CERKL: variants seen among roughly 807,000 people sequenced by gnomAD.
The protein encoded by CERKL is ceramide kinase-like protein.
In CERKL, 61 loss-of-function variants were observed where a neutral mutation model predicts 63.4. That is an observed-to-expected ratio of 0.96 (90% CI 0.78 to 1.19). The LOEUF (loss-of-function observed/expected upper bound fraction) is 1.19. Among genes scored for constraint, CERKL ranks in the 50% most tolerant of loss-of-function variants. CERKL has a pLI of 0.00. For missense variants in CERKL, 675 were observed against 655.5 expected (o/e 1.03, Z -0.33); for synonymous variants, 250 against 230.5 (o/e 1.08, Z -0.77).
chr2:181,544,907 C>G (rs1687656704), intron 10 of CERKL, 111 bp from the exon 11 acceptor site: 2 of 612,266 alleles, frequency 3.3e-6, no homozygotes. Context: ...AAGTATTGGA[C>G]AAGATAGATA....
At chr2:181,545,702 T>C (rs1687696815) in intron 10 of CERKL, among the ~76,000 whole-genome samples, 4 of 152,150 alleles carry the variant, frequency 2.6e-5, no homozygotes, top group Non-Finnish European at 5.9e-5. Context: ...ATACTCCAGG[T>C]GCTCAGTATG....
chr2:181,650,929 A>G (rs1280568677), intron 1 of CERKL, among the ~76,000 whole-genome samples: 1 of 152,214 alleles, frequency 6.6e-6, no homozygotes, highest in Non-Finnish European at 1.5e-5. Flanking sequence ...ATCAAATTTG[A>G]TAACATAGAA....
At chr2:181,597,524 A>C (rs1685269993) in intron 2 of CERKL, among the ~76,000 whole-genome samples, 1 of 152,222 alleles carries the variant, frequency 6.6e-6, no homozygotes, top group Admixed American at 6.5e-5. Flanking sequence ...GCTGGGGTGC[A>C]GAAAGGAAAA....
At chr2:181,568,049 C>A (rs1184671324) in intron 3 of CERKL, among the ~76,000 whole-genome samples, 1 of 152,156 alleles carries the variant, frequency 6.6e-6, no homozygotes, top group Non-Finnish European at 1.5e-5. Flanking sequence ...GTTTACAGGT[C>A]TTTGAACACA....
At chr2:181,559,458 G>A (rs376459701) in intron 4 of CERKL, among the ~76,000 whole-genome samples, 8 of 152,126 alleles carry the variant, frequency 5.3e-5, no homozygotes, top group African/African-American at 1.9e-4. Flanking sequence ...AATGGAAAGT[G>A]GATTTTGCCT....
intron 1 of CERKL, among the ~76,000 whole-genome samples, chr2:181,631,738 C>T (rs16867464): frequency 0.11 from 17,179 of 152,170 alleles, 1,325 homozygotes; most frequent in East Asian, 0.22. Flanking sequence ...AAGGCCCAAA[C>T]ATGACTTAAG....
chr2:181,556,498 G>A (rs371826899), intron 5 of CERKL, among the ~76,000 whole-genome samples: 6 of 151,954 alleles, frequency 3.9e-5, no homozygotes, highest in South Asian at 2.1e-4. Context: ...GCGGTGTTTC[G>A]TTTTTTGTCC....
intron 2 of CERKL, among the ~76,000 whole-genome samples, chr2:181,597,696 G>A (rs1350763396): frequency 6.6e-6 from 1 of 152,230 alleles, no homozygotes; most frequent in Non-Finnish European, 1.5e-5. Flanking sequence ...CACAAACTGA[G>A]ATGGTGGTCA....
rs767594454 is a variant in CERKL, at chr2:181,547,621, G to A, written c.1265C>T (p.Thr422Ile). The A allele has an allele frequency of 3.1e-6, 5 of 1,612,634 alleles. No homozygotes were observed. The South Asian group carries it at 4.4e-5, about 14-fold the overall frequency. Residue 422 changes from threonine to isoleucine, a missense_variant, in exon 10 of 13, where the codon ACC becomes ATC. Coordinates refer to ENST00000410087, the MANE Select transcript of CERKL (RefSeq NM_201548.5). ...TTCAATAAAAATGCTTACTAACCTG[G>A]TATTAGGTGCCAAGCCTCTAGGTGC... ...SVAPRGLAPN[T>I]RLNNGSMALI...
At chr2:181,573,658 A>G in intron 3 of CERKL, 95 bp downstream of exon 3, 1 of 1,084,528 alleles carries the variant, frequency 9.2e-7, no homozygotes, top group Non-Finnish European at 1.4e-6. Flanking sequence ...AGATATTACA[A>G]GTAGTTTCCC....
intron 2 of CERKL, chr2:181,603,233 A>G (rs528351972): frequency 3.9e-5 from 7 of 178,652 alleles, no homozygotes; most frequent in African/African-American, 1.4e-4. Flanking sequence ...CTTGCCATCA[A>G]TGTGTGAGTG....
At chr2:181,628,073 T>G (rs1258855553) in intron 1 of CERKL, among the ~76,000 whole-genome samples, 2 of 142,654 alleles carry the variant, frequency 1.4e-5, no homozygotes, top group South Asian at 2.4e-4. Context: ...GAAGGTTTCA[T>G]TTGTGCTCAG....
intron 2 of CERKL, among the ~76,000 whole-genome samples, chr2:181,580,144 G>T (rs186115451): frequency 2.0e-5 from 3 of 151,770 alleles, no homozygotes; most frequent in African/African-American, 7.3e-5. Flanking sequence ...ATTATCTTAA[G>T]ATCAAATAAT....
intron 1 of CERKL, among the ~76,000 whole-genome samples, chr2:181,649,019 A>G (rs1296380773): frequency 6.6e-6 from 1 of 152,208 alleles, no homozygotes; most frequent in Non-Finnish European, 1.5e-5. Flanking sequence ...CTGAGAATCT[A>G]CAAGACAACC....
chr2:181,559,141 A>C (rs1443399365), intron 4 of CERKL, among the ~76,000 whole-genome samples: 2 of 152,192 alleles, frequency 1.3e-5, no homozygotes, highest in African/African-American at 4.8e-5. Flanking sequence ...GATAGCAATA[A>C]AAATCATATA....
rs1279923475 is a variant in CERKL, at chr2:181,536,867, T to TGAACATCTGTTATAGGGAGTGATCA, written c.*1292_*1316dup. On this transcript the variant is annotated 3_prime_UTR_variant, in exon 13 of 13. Transcript: ENST00000410087. ...TCATAAGAGAGCTGTGGCCGAATTT[T>TGAACATCTGTTATAGGGAGTGATCA]GAACATCTGTTATAGGGAGTGATCA... 1 of 433,470 alleles carries TGAACATCTGTTATAGGGAGTGATCA rather than the reference T, an allele frequency of 2.3e-6. No homozygotes were observed. Among genetic ancestry groups the TGAACATCTGTTATAGGGAGTGATCA allele is most frequent in the Admixed American group, 2.5e-5 (1 of 39,402 alleles). 26.9% of individuals were successfully genotyped at this position (433,470 alleles called of 1,614,324 possible).
chr2:181,612,307 T>G (rs887731416), intron 1 of CERKL, among the ~76,000 whole-genome samples: 6 of 152,204 alleles, frequency 3.9e-5, no homozygotes, highest in African/African-American at 1.4e-4. Flanking sequence ...AATTACAGAT[T>G]TGTAAGGGCA....
At chr2:181,547,397 A>AT (rs369604827) in intron 10 of CERKL, among the ~76,000 whole-genome samples, 188 of 152,302 alleles carry the variant, frequency 1.2e-3, no homozygotes, top group African/African-American at 4.3e-3. Flanking sequence ...AGGAAATATT[A>AT]TTTTAGCCTC....
chr2:181,571,038 T>G (rs1371309350), intron 3 of CERKL, among the ~76,000 whole-genome samples: 7 of 152,148 alleles, frequency 4.6e-5, no homozygotes, highest in Non-Finnish European at 8.8e-5. Flanking sequence ...AAACTGAAAC[T>G]AACAGTATTA....
Sources: gnomAD v4.1 joint callset for allele counts (sites outside exome capture counted in the v4.1 genomes callset) on GRCh38, gnomAD v4.1.1 for gene constraint, MANE v1.5 for transcripts, NCBI Gene and HGNC (gene_info 2026-07-23, HGNC 2026-07-21) for gene names.